AHCYL2: variants seen among roughly 807,000 people sequenced by gnomAD.
AHCYL2 encodes adenosylhomocysteinase like 2, also known as S-adenosylhomocysteine hydrolase-like protein 2.
In AHCYL2, 28 loss-of-function variants were observed where a neutral mutation model predicts 81.4. The ratio of observed to expected loss-of-function variants is 0.34; its 90% CI spans 0.25 to 0.47. The LOEUF is 0.47. Ranked by LOEUF, AHCYL2 falls within the 20% of genes least tolerant of loss-of-function variation. AHCYL2 has a pLI of 1.00. For synonymous variants in AHCYL2, 272 were observed against 290.2 expected (o/e 0.94, Z 0.64); for missense variants, 551 against 785.1 (o/e 0.70, Z 3.56).
intron 1 of AHCYL2, among the ~76,000 whole-genome samples, chr7:129,248,572 G>C (rs1795140112): frequency 6.7e-6 from 1 of 148,578 alleles, no homozygotes; most frequent in Admixed American, 6.7e-5. Flanking sequence ...AGAACCCATG[G>C]ATATGAGGGC....
At chr7:129,264,083 G>T (rs1019628102) in intron 1 of AHCYL2, among the ~76,000 whole-genome samples, 1 of 152,094 alleles carries the variant, frequency 6.6e-6, no homozygotes, top group African/African-American at 2.4e-5. Flanking sequence ...GTGCAGTGGC[G>T]CCATCTCGGC....
At chr7:129,334,071 T>C (rs1798511902) in intron 1 of AHCYL2, among the ~76,000 whole-genome samples, 1 of 152,074 alleles carries the variant, frequency 6.6e-6, no homozygotes, top group South Asian at 2.1e-4. Flanking sequence ...TGTACCTCAG[T>C]TTATGCCATC....
At chr7:129,391,817 T>G (rs1019946085) in intron 4 of AHCYL2, among the ~76,000 whole-genome samples, 3 of 152,206 alleles carry the variant, frequency 2.0e-5, no homozygotes, top group African/African-American at 7.2e-5. Flanking sequence ...ATCTTCACTA[T>G]GAAACTTTTC....
Position 129,368,199 on chromosome 7 carries a change from ACAGTGAGTGC to A in AHCYL2, c.364-11437_364-11428del. 2.3e-5 allele frequency: 28 copies of A among 1,231,794 alleles called. No homozygotes were observed. The highest frequency in any genetic ancestry group is 2.9e-5 in the Non-Finnish European group (28 of 981,210). 76.3% of individuals were successfully genotyped at this position (1,231,794 alleles called of 1,614,324 possible). A position where few individuals can be genotyped will look rare whatever the true frequency, so the allele number is the denominator to read the frequency against. Reference sequence around the variant, plus strand: ...GGTAGAGTGTTTGGGTAGCATTAAAACAGTGAGTGCCCTGTGAGAAGCACAGTGCCTGGGT... The same window carrying A: ...GGTAGAGTGTTTGGGTAGCATTAAAACCTGTGAGAAGCACAGTGCCTGGGT... On this transcript the variant is annotated intron_variant, in intron 1 of 16. Coordinates refer to ENST00000325006, the MANE Select transcript of AHCYL2 (RefSeq NM_015328.4). This position sits in a 1 kb window ranked among gnomAD's most constrained non-coding sequence, Gnocchi z 4.4.
At chr7:129,243,691 C>T (rs966770259) in intron 1 of AHCYL2, among the ~76,000 whole-genome samples, 3 of 152,074 alleles carry the variant, frequency 2.0e-5, no homozygotes, top group African/African-American at 7.2e-5. Flanking sequence ...ACGCCATTCT[C>T]CTGCCTCAGC....
At chr7:129,359,749 A>C (rs1793868314) in intron 1 of AHCYL2, among the ~76,000 whole-genome samples, 1 of 152,176 alleles carries the variant, frequency 6.6e-6, no homozygotes, top group Non-Finnish European at 1.5e-5. Context: ...AGCAAACTGA[A>C]CCCTGACCTA....
At chr7:129,405,520 A>G (rs1796259936) in intron 8 of AHCYL2, 1 of 355,530 alleles carries the variant, frequency 2.8e-6, no homozygotes, top group Non-Finnish European at 4.9e-6. Flanking sequence ...GGGAAAAAAA[A>G]AGGAAAAAAA....
intron 1 of AHCYL2, among the ~76,000 whole-genome samples, chr7:129,257,067 C>G (rs1284087163): frequency 6.6e-6 from 1 of 152,042 alleles, no homozygotes; most frequent in Non-Finnish European, 1.5e-5. Flanking sequence ...ACACCGATAA[C>G]CAGCTCCCTT....
At chr7:129,261,693 T>C (rs560188944) in intron 1 of AHCYL2, among the ~76,000 whole-genome samples, 41 of 152,348 alleles carry the variant, frequency 2.7e-4, no homozygotes, top group African/African-American at 8.9e-4. Flanking sequence ...TAATCTAGTC[T>C]CTTTTTTTCC....
Position 129,428,147 on chromosome 7 carries a change from A to G in AHCYL2, c.*1102A>G, listed in dbSNP as rs1797436996. ...AGAGATGAAATTGTAAACTGTATCC[A>G]GATTATCAAAGCTAATTTGACTAGT... is the stretch of plus-strand genomic sequence containing the variant. On this transcript the variant is annotated 3_prime_UTR_variant, in exon 17 of 17. Coordinates refer to ENST00000325006, the MANE Select transcript of AHCYL2 (RefSeq NM_015328.4). 1 of 152,252 alleles carries G rather than the reference A, an allele frequency of 6.6e-6. No homozygotes were observed. The allele number at this position is 152,252 out of a possible 1,614,324, so 9.4% of individuals were successfully genotyped here. A position where few individuals can be genotyped will look rare whatever the true frequency, so the allele number is the denominator to read the frequency against.
chr7:129,369,589 G>C (rs1157737079), intron 1 of AHCYL2, among the ~76,000 whole-genome samples: 4 of 133,854 alleles, frequency 3.0e-5, no homozygotes, highest in African/African-American at 5.7e-5. Context: ...GTCTGGCTCT[G>C]TTGTCCAGGC....
intron 8 of AHCYL2, 84 bp downstream of exon 8, chr7:129,405,297 T>G (rs1796247114): frequency 2.2e-6 from 2 of 922,202 alleles, no homozygotes; most frequent in Non-Finnish European, 1.7e-6. Context: ...CTGGAAAGGA[T>G]TCATGTAGCA....
intron 4 of AHCYL2, among the ~76,000 whole-genome samples, chr7:129,394,673 G>T (rs888009351): frequency 6.6e-6 from 1 of 151,922 alleles, no homozygotes; most frequent in Non-Finnish European, 1.5e-5. Flanking sequence ...TCAAACTCCC[G>T]ACCCCAGGTG....
intron 1 of AHCYL2, among the ~76,000 whole-genome samples, chr7:129,317,530 A>G (rs1208756616): frequency 6.6e-6 from 1 of 152,172 alleles, no homozygotes; most frequent in Non-Finnish European, 1.5e-5. Flanking sequence ...TAGTTGAGAA[A>G]ATCCCAGCCA....
chr7:129,410,195 T>C (rs1796501150), intron 11 of AHCYL2: 1 of 1,612,538 alleles, frequency 6.2e-7, no homozygotes, highest in African/African-American at 1.3e-5. Context: ...ATTGATCATT[T>C]GTTCCCGGCT....
chr7:129,287,084 G>A (rs1796661234), intron 1 of AHCYL2, among the ~76,000 whole-genome samples: 2 of 151,798 alleles, frequency 1.3e-5, no homozygotes, highest in South Asian at 4.1e-4. Flanking sequence ...CCATCTCTTT[G>A]ATGGCCAAAT....
At chr7:129,404,993 G>C in intron 7 of AHCYL2, 104 bp from the exon 8 acceptor site, 1 of 615,690 alleles carries the variant, frequency 1.6e-6, no homozygotes, top group Non-Finnish European at 2.8e-6. Flanking sequence ...CATGTCTCAT[G>C]GTCTCATGCC....
intron 1 of AHCYL2, among the ~76,000 whole-genome samples, chr7:129,234,176 G>A (rs780635420): frequency 2.6e-5 from 4 of 151,960 alleles, no homozygotes; most frequent in Non-Finnish European, 4.4e-5. Context: ...TCAGCCTCCC[G>A]AGTAGCTGGG....
intron 1 of AHCYL2, among the ~76,000 whole-genome samples, chr7:129,318,358 T>TA (rs1409045237): frequency 2.6e-5 from 4 of 152,244 alleles, no homozygotes; most frequent in Non-Finnish European, 4.4e-5. Context: ...TGCTCTTGAG[T>TA]AGCTGGGACT....
Sources: gnomAD v4.1 joint callset for allele counts (sites outside exome capture counted in the v4.1 genomes callset) on GRCh38, gnomAD v4.1.1 for gene constraint, Gnocchi (gnomAD v3.1) non-coding constraint, MANE v1.5 for transcripts, NCBI Gene and HGNC (gene_info 2026-07-23, HGNC 2026-07-21) for gene names.